The following CDK14 variants were observed in gnomAD, a reference collection of about 807,000 sequenced individuals.
CDK14 encodes the protein cyclin dependent kinase 14.
CDK14 carries 34 observed loss-of-function variants against 60.7 expected under a neutral mutation model. That is an observed-to-expected ratio of 0.56 (90% CI 0.43 to 0.75). The LOEUF (loss-of-function observed/expected upper bound fraction) is 0.75. Ranked by LOEUF, CDK14 falls within the 30% of genes least tolerant of loss-of-function variation. The pLI is 0.00. For missense variants in CDK14, 482 were observed against 564.1 expected, an observed-to-expected ratio of 0.85 and a Z score of 1.47; for synonymous variants, 197 against 203.7, an observed-to-expected ratio of 0.97 and a Z score of 0.28.
At chr7:91,018,213 C>T (rs565272739) in intron 10 of CDK14, among the ~76,000 whole-genome samples, 2 of 152,232 alleles carry the variant, frequency 1.3e-5, no homozygotes, top group African/African-American at 4.8e-5. Context: ...TGTGAGCTCC[C>T]CATTCTTCTT....
At chr7:90,723,274 A>G (rs1017226322) in intron 2 of CDK14, among the ~76,000 whole-genome samples, 2 of 152,194 alleles carry the variant, frequency 1.3e-5, no homozygotes, top group African/African-American at 2.4e-5. Context: ...ACATCTTAAA[A>G]CAACATACAT....
At position 90,716,612 on chromosome 7, in the gene CDK14, T is replaced by G. The variant is rs943648610; in HGVS notation, c.124-9955T>G. ...TCATCACTCATTCCAATTCCATGGTTGTTTAAATTCATAAACATATTGGAT... is the reference window on the plus strand; with the variant it reads ...TCATCACTCATTCCAATTCCATGGTGGTTTAAATTCATAAACATATTGGAT... On this transcript the variant is annotated intron_variant, in intron 2 of 14. Coordinates refer to ENST00000380050, the MANE Select transcript of CDK14 (RefSeq NM_001287135.2). Among the ~76,000 whole-genome samples the G allele has an allele frequency of 3.3e-5, 5 of 152,274 alleles. No individual in the cohort carries two copies. The East Asian group carries it at 7.7e-4, about 24-fold the overall frequency.
At chr7:90,742,522 T>A (rs1803387979) in intron 3 of CDK14, among the ~76,000 whole-genome samples, 1 of 151,988 alleles carries the variant, frequency 6.6e-6, no homozygotes, top group Non-Finnish European at 1.5e-5. Context: ...CAGCATTTGG[T>A]TTTATTAATC....
chr7:91,190,420 A>C (rs996253418), intron 14 of CDK14, among the ~76,000 whole-genome samples: 2 of 152,246 alleles, frequency 1.3e-5, no homozygotes, highest in African/African-American at 4.8e-5. Flanking sequence ...CAGAAGTGTT[A>C]GCAAATGTTA....
chr7:91,134,600 A>G (rs1209706161), intron 14 of CDK14, among the ~76,000 whole-genome samples: 1 of 152,190 alleles, frequency 6.6e-6, no homozygotes, highest in Admixed American at 6.6e-5. Context: ...TAGGCCGGGC[A>G]TGGTAGTTCA....
chr7:90,729,416 T>C (rs960513684), intron 3 of CDK14, among the ~76,000 whole-genome samples: 3 of 146,970 alleles, frequency 2.0e-5, no homozygotes, highest in Non-Finnish European at 4.5e-5. Context: ...ATTTGTGTCC[T>C]GTCTTTACAT....
intron 14 of CDK14, among the ~76,000 whole-genome samples, chr7:91,137,900 G>C (rs1800335774): frequency 6.6e-6 from 1 of 152,148 alleles, no homozygotes; most frequent in South Asian, 2.1e-4. Context: ...ATACTCTCCA[G>C]ATAATTGAGC....
At chr7:91,160,670 A>C (rs1801142278) in intron 14 of CDK14, among the ~76,000 whole-genome samples, 1 of 152,074 alleles carries the variant, frequency 6.6e-6, no homozygotes, top group East Asian at 1.9e-4. Context: ...TATATTTTTA[A>C]AGATTTTCTT....
intron 2 of CDK14, among the ~76,000 whole-genome samples, chr7:90,624,325 C>T (rs539312715): frequency 6.5e-4 from 99 of 152,246 alleles, no homozygotes; most frequent in African/African-American, 2.1e-3. Context: ...ATGTGGATTT[C>T]GAAAAGGTAG....
intron 9 of CDK14, among the ~76,000 whole-genome samples, chr7:90,956,177 G>A (rs1794403782): frequency 6.6e-6 from 1 of 152,114 alleles, no homozygotes; most frequent in Non-Finnish European, 1.5e-5. Context: ...GTTTAAATTT[G>A]CAACAAAGCT....
At chr7:91,037,375 A>G (rs1796961659) in intron 10 of CDK14, among the ~76,000 whole-genome samples, 1 of 152,192 alleles carries the variant, frequency 6.6e-6, no homozygotes, top group Non-Finnish European at 1.5e-5. Flanking sequence ...GTACACCTGC[A>G]TCACATGTCT....
intron 5 of CDK14, among the ~76,000 whole-genome samples, chr7:90,822,896 G>A (rs1233936361): frequency 6.6e-6 from 1 of 152,124 alleles, no homozygotes; most frequent in Non-Finnish European, 1.5e-5. Context: ...CAGATTTCAT[G>A]GATGTATAAT....
In CDK14 at chr7:90,635,755, C is replaced by T. The variant is rs1457160419; in HGVS notation, c.123+31506C>T. ...GGCCGTTTTCACGATATTGATTCTT[C>T]CTATCCATGAGCATGGAATATTCTT... On this transcript the variant is annotated intron_variant, in intron 2 of 14. Transcript: ENST00000380050. Among the ~76,000 whole-genome samples, 3 of 152,094 alleles carry T rather than the reference C, an allele frequency of 2.0e-5. No individual in the cohort carries two copies. The East Asian group carries it at 5.8e-4, about 29-fold the overall frequency.
chr7:91,179,335 C>T (rs1316826478), intron 14 of CDK14, among the ~76,000 whole-genome samples: 1 of 122,630 alleles, frequency 8.2e-6, no homozygotes, highest in African/African-American at 3.2e-5. Flanking sequence ...AGGGGAATAT[C>T]ACACTCTGGG....
At chr7:91,012,609 TA>T (rs1796194085) in intron 10 of CDK14, among the ~76,000 whole-genome samples, 1 of 152,308 alleles carries the variant, frequency 6.6e-6, no homozygotes, top group Admixed American at 6.5e-5. Context: ...TACCTGTCTC[TA>T]GAATCACTTT....
intron 14 of CDK14, among the ~76,000 whole-genome samples, chr7:91,165,506 A>G (rs1554443194): frequency 2.6e-5 from 4 of 152,178 alleles, no homozygotes; most frequent in Non-Finnish European, 2.9e-5. Context: ...TTGGGTCTCC[A>G]GGACTCCTTT....
At chr7:90,606,194 T>A (rs1396872570) in intron 2 of CDK14, among the ~76,000 whole-genome samples, 1 of 152,152 alleles carries the variant, frequency 6.6e-6, no homozygotes, top group East Asian at 1.9e-4. Flanking sequence ...AAGGGGCAAG[T>A]CATTTCCAGC....
intron 10 of CDK14, among the ~76,000 whole-genome samples, chr7:90,998,188 A>G (rs1446703237): frequency 2.0e-5 from 3 of 152,216 alleles, no homozygotes; most frequent in African/African-American, 7.2e-5. Context: ...AATATTTTAG[A>G]TGAATATAAT....
At chr7:91,104,135 A>G (rs149475489) in intron 12 of CDK14, among the ~76,000 whole-genome samples, 1 of 152,316 alleles carries the variant, frequency 6.6e-6, no homozygotes, top group Non-Finnish European at 1.5e-5. Flanking sequence ...TAGAATGAAC[A>G]TAACAGTCTC....
Sources: gnomAD v4.1 joint callset for allele counts (sites outside exome capture counted in the v4.1 genomes callset) on GRCh38, gnomAD v4.1.1 for gene constraint, MANE v1.5 for transcripts, NCBI Gene and HGNC (gene_info 2026-07-23, HGNC 2026-07-21) for gene names.